CNTN4: variants seen among roughly 807,000 people sequenced by gnomAD.
The protein encoded by CNTN4 is contactin 4, also known as contactin-4.
CNTN4 carries 77 observed loss-of-function variants against 122.5 expected under a neutral mutation model. The observed-to-expected ratio is 0.63, with a 90% CI of 0.52 to 0.76. The LOEUF (loss-of-function observed/expected upper bound fraction) is 0.76, where lower values mean the gene tolerates loss of function less well. Among genes scored for constraint, CNTN4 ranks in the 30% least tolerant of loss-of-function variants. CNTN4 has a pLI of 0.00. For missense variants in CNTN4, 1,256 were observed against 1,259.1 expected, an observed-to-expected ratio of 1.00 and a Z score of 0.04; for synonymous variants, 512 against 447.0, an observed-to-expected ratio of 1.15 and a Z score of -1.83.
intron 4 of CNTN4, among the ~76,000 whole-genome samples, chr3:2,666,524 A>G (rs765314558): frequency 1.1e-4 from 16 of 152,170 alleles, no homozygotes; most frequent in Non-Finnish European, 1.9e-4. Context: ...TATTTTATCT[A>G]TGTTAGCTTT....
chr3:2,440,257 AC>A (rs762558445), intron 3 of CNTN4, among the ~76,000 whole-genome samples: 2 of 152,186 alleles, frequency 1.3e-5, no homozygotes, highest in Non-Finnish European at 1.5e-5. Flanking sequence ...TATCGCAAGG[AC>A]AAAAAAACCA....
intron 2 of CNTN4, among the ~76,000 whole-genome samples, chr3:2,104,296 G>A (rs1276627969): frequency 6.6e-6 from 1 of 151,944 alleles, no homozygotes; most frequent in East Asian, 1.9e-4. Context: ...GGGTTGGAGG[G>A]CTGGAGAGGT....
At chr3:2,182,844 C>G (rs910955344) in intron 2 of CNTN4, among the ~76,000 whole-genome samples, 5 of 143,422 alleles carry the variant, frequency 3.5e-5, no homozygotes, top group African/African-American at 1.3e-4. Context: ...TTTTTTTTTT[C>G]TCCTGAATGG....
intron 2 of CNTN4, among the ~76,000 whole-genome samples, chr3:2,150,417 AT>A (rs2035446898): frequency 6.6e-6 from 1 of 151,966 alleles, no homozygotes; most frequent in African/African-American, 2.4e-5. Flanking sequence ...TTTCCTTGCA[AT>A]TTTTTTGGAT....
intron 2 of CNTN4, among the ~76,000 whole-genome samples, chr3:2,221,134 C>T (rs1013668357): frequency 3.9e-5 from 6 of 151,958 alleles, no homozygotes; most frequent in Non-Finnish European, 7.4e-5. Flanking sequence ...TGACAGAATA[C>T]AATTGGTTGT....
chr3:2,150,333 T>C (rs1208173826), intron 2 of CNTN4, among the ~76,000 whole-genome samples: 1 of 152,232 alleles, frequency 6.6e-6, no homozygotes, highest in Non-Finnish European at 1.5e-5. Context: ...TGTTTATTAA[T>C]TGTAATATAT....
At chr3:2,776,172 C>G (rs552164139) in intron 6 of CNTN4, among the ~76,000 whole-genome samples, 1 of 151,904 alleles carries the variant, frequency 6.6e-6, no homozygotes, top group South Asian at 2.1e-4. Context: ...TTTGAGGGCC[C>G]CTCTTATATT....
At chr3:2,759,069 A>G (rs537960017) in intron 6 of CNTN4, among the ~76,000 whole-genome samples, 4 of 152,296 alleles carry the variant, frequency 2.6e-5, no homozygotes, top group African/African-American at 9.6e-5. Context: ...CATGTAAATG[A>G]AATCGTAATA....
intron 3 of CNTN4, among the ~76,000 whole-genome samples, chr3:2,482,694 G>T (rs553818314): frequency 6.6e-6 from 1 of 152,308 alleles, no homozygotes; most frequent in Admixed American, 6.5e-5. Flanking sequence ...GTGGCTAAAA[G>T]GGGCCAAGGT....
At chr3:2,676,709 A>G (rs2084865701) in intron 4 of CNTN4, among the ~76,000 whole-genome samples, 1 of 152,244 alleles carries the variant, frequency 6.6e-6, no homozygotes, top group African/African-American at 2.4e-5. Context: ...TGAAATTTAC[A>G]GAATTTGGAA....
chr3:2,394,468 A>C (rs1265215831), intron 3 of CNTN4, among the ~76,000 whole-genome samples: 7 of 152,210 alleles, frequency 4.6e-5, no homozygotes, highest in African/African-American at 1.7e-4. Context: ...TACACATGAA[A>C]AAAGTGCTCA....
At chr3:2,353,903 A>T (rs2044755067) in intron 3 of CNTN4, among the ~76,000 whole-genome samples, 1 of 150,948 alleles carries the variant, frequency 6.6e-6, no homozygotes, top group Non-Finnish European at 1.5e-5. Context: ...CGTCTCAAAA[A>T]AAACAAAAAC....
intron 7 of CNTN4, among the ~76,000 whole-genome samples, chr3:2,834,177 C>T (rs563889354): frequency 1.1e-3 from 168 of 151,874 alleles, no homozygotes; most frequent in Middle Eastern, 3.4e-3. Context: ...TAATTAAAAA[C>T]ATATCACAAT....
chr3:2,265,723 T>C (rs2041016383), intron 2 of CNTN4, among the ~76,000 whole-genome samples: 1 of 151,652 alleles, frequency 6.6e-6, no homozygotes, highest in South Asian at 2.1e-4. Context: ...TCATTTTTAA[T>C]GTTCTTTTCC....
At chr3:2,410,965 A>G (rs2047206147) in intron 3 of CNTN4, among the ~76,000 whole-genome samples, 1 of 152,202 alleles carries the variant, frequency 6.6e-6, no homozygotes, top group Non-Finnish European at 1.5e-5. Flanking sequence ...CTGTAGTCTC[A>G]TGTGTTCAGA....
intron 6 of CNTN4, among the ~76,000 whole-genome samples, chr3:2,756,586 A>C (rs1373021332): frequency 6.6e-6 from 1 of 152,230 alleles, no homozygotes; most frequent in Non-Finnish European, 1.5e-5. Flanking sequence ...TGTGAAAGTG[A>C]CCTTATTTGG....
At chr3:2,163,309 A>C (rs1254651177) in intron 2 of CNTN4, among the ~76,000 whole-genome samples, 1 of 152,212 alleles carries the variant, frequency 6.6e-6, no homozygotes, top group Non-Finnish European at 1.5e-5. Context: ...CATGTAGAAG[A>C]ATGAAGCTGT....
intron 2 of CNTN4, among the ~76,000 whole-genome samples, chr3:2,149,575 T>G (rs545510004): frequency 6.2e-4 from 94 of 152,320 alleles, no homozygotes; most frequent in African/African-American, 2.2e-3. Flanking sequence ...TGACATTCTG[T>G]AACACTATTT....
intron 5 of CNTN4, among the ~76,000 whole-genome samples, chr3:2,741,149 A>G (rs1344859091): frequency 7.9e-5 from 12 of 152,216 alleles, no homozygotes; most frequent in Admixed American, 5.9e-4. Flanking sequence ...AGGTCTGAGT[A>G]TTCAAAGATT....
Sources: gnomAD v4.1 joint callset for allele counts (sites outside exome capture counted in the v4.1 genomes callset) on GRCh38, gnomAD v4.1.1 for gene constraint, MANE v1.5 for transcripts, NCBI Gene and HGNC (gene_info 2026-07-23, HGNC 2026-07-21) for gene names.